The following CEP43 variants were observed in gnomAD, a reference collection of about 807,000 sequenced individuals.
The protein encoded by CEP43 is FGFR1 oncogene partner.
In CEP43, 36 loss-of-function variants were observed where a neutral mutation model predicts 52.6. The ratio of observed to expected loss-of-function variants is 0.68; its 90% confidence interval spans 0.52 to 0.90. The LOEUF (loss-of-function observed/expected upper bound fraction) is 0.90, where lower values mean the gene tolerates loss of function less well. CEP43 is among the 40% of genes least tolerant of loss of function. The pLI is 0.00. For missense variants in CEP43, 506 were observed against 472.8 expected, an observed-to-expected ratio of 1.07 and a Z score of -0.65; for synonymous variants, 192 against 172.4, an observed-to-expected ratio of 1.11 and a Z score of -0.89.
intron 4 of CEP43, 49 bp from the exon 5 acceptor site, chr6:167,004,215 A>G: frequency 6.4e-7 from 1 of 1,562,428 alleles, no homozygotes. Flanking sequence ...CTCCTTGAGA[A>G]TAACTTCTGC....
chr6:167,008,473 G>GT (rs936615696), intron 5 of CEP43, among the ~76,000 whole-genome samples: 22 of 148,602 alleles, frequency 1.5e-4, no homozygotes, highest in South Asian at 6.4e-4. Context: ...ATTTTTTTTT[G>GT]TTTTTTTTTG....
At chr6:167,001,528 A>G (rs1779736611) in intron 2 of CEP43, among the ~76,000 whole-genome samples, 11 of 152,342 alleles carry the variant, frequency 7.2e-5, no homozygotes, top group Admixed American at 5.2e-4. Context: ...ACTGTCTCAC[A>G]GACTGACCTT....
intron 12 of CEP43, among the ~76,000 whole-genome samples, chr6:167,035,449 G>A (rs1780563193): frequency 6.6e-6 from 1 of 152,124 alleles, no homozygotes; most frequent in Admixed American, 6.5e-5. Context: ...GGATGTGGGG[G>A]TGTGAGGAAG....
In CEP43 at chr6:167,004,378, G is replaced by A. The variant is rs1471989882; in HGVS notation, c.415G>A (p.Glu139Lys). Residue 139 changes from glutamate to lysine, a missense_variant, in exon 5 of 13, where the codon GAA (glutamate) becomes AAA (lysine). Glu to Lys is a moderately conservative substitution (Grantham distance 56). Transcript: ENST00000366847. The part of the protein sequence containing the change: ...LEVIRRCQQK[E>K]KGPTTGEGAL... ...AGTGATCAGGCGCTGTCAACAGAAA[G>A]AAAAAGGGCCAACCACTGGGGAAGT... is the stretch of plus-strand genomic sequence containing the variant. 1.0e-5 allele frequency: 16 copies of A among 1,596,484 alleles called. No individual in the cohort carries two copies. Among genetic ancestry groups the A allele is most frequent in the Non-Finnish European group, 1.4e-5 (16 of 1,172,530 alleles).
In CEP43 at chr6:166,999,463, G is replaced by A; in HGVS notation, c.51G>A (p.Arg17=). 2.0e-6 allele frequency: 3 copies of A among 1,484,926 alleles called. No homozygotes were observed. The highest frequency in any genetic ancestry group is 3.0e-5 in the East Asian group (1 of 33,788). The allele number at this position is 1,484,926 out of a possible 1,614,324, so 92.0% of individuals were successfully genotyped here. ...AVVAEEDTEL[R]DLLVQTLENS... is the part of the protein sequence containing the mutation. ...TGGCCGAGGAGGACACGGAGCTGCGGGACCTGCTGGTGCAGACGCTGGAGA... is the reference window on the plus strand; with the variant it reads ...TGGCCGAGGAGGACACGGAGCTGCGAGACCTGCTGGTGCAGACGCTGGAGA... Residue 17 remains arginine (R), a synonymous_variant, in exon 1 of 13, where the codon CGG becomes CGA. Transcript: ENST00000366847.
intron 5 of CEP43, among the ~76,000 whole-genome samples, chr6:167,008,987 G>A (rs949353196): frequency 6.6e-5 from 10 of 152,182 alleles, no homozygotes; most frequent in African/African-American, 2.2e-4. Context: ...AGACATGGTG[G>A]CTCACACCTG....
intron 12 of CEP43, chr6:167,035,943 G>T: frequency 4.0e-6 from 2 of 500,492 alleles, no homozygotes; most frequent in Non-Finnish European, 5.2e-6. Flanking sequence ...TTAGAGATAA[G>T]CGTGTAAAGC....
chr6:167,036,371 G>T (rs1780585059), intron 12 of CEP43: 1 of 985,298 alleles, frequency 1.0e-6, no homozygotes, highest in South Asian at 4.7e-5. Flanking sequence ...GAGCAGGGTT[G>T]TTAGAAGGTG....
rs1316926374 is a variant in CEP43, at chr6:167,047,954, A to G, written c.*7976A>G. ...GAATTATGAGACTAGAAAAACAACA[A>G]TTCTTAGTATACCACAGACTGTGGT... On this transcript the variant is annotated 3_prime_UTR_variant, in exon 13 of 13. Transcript: ENST00000366847. 2.0e-5 allele frequency: 3 copies of G among 152,176 alleles called. No individual in the cohort carries two copies. The highest frequency in any genetic ancestry group is 7.2e-5 in the African/African-American group (3 of 41,448). The allele number at this position is 152,176 out of a possible 1,614,324, so 9.4% of individuals were successfully genotyped here. A position where few individuals can be genotyped will look rare whatever the true frequency, so the allele number is the denominator to read the frequency against.
intron 10 of CEP43, among the ~76,000 whole-genome samples, chr6:167,029,923 A>G (rs1314388312): frequency 6.6e-6 from 1 of 152,182 alleles, no homozygotes; most frequent in African/African-American, 2.4e-5. Flanking sequence ...ACTACAAAGA[A>G]CCTTCTTAAG....
intron 5 of CEP43, among the ~76,000 whole-genome samples, chr6:167,007,492 T>C (rs1004721343): frequency 6.6e-6 from 1 of 152,194 alleles, no homozygotes; most frequent in Non-Finnish European, 1.5e-5. Flanking sequence ...TATCTGGATA[T>C]TTAATTTTAA....
At position 167,028,390 on chromosome 6, in the gene CEP43, G is replaced by A. The variant is rs1310753119; in HGVS notation, c.988+1775G>A. On this transcript the variant is annotated intron_variant, in intron 10 of 12. Transcript: ENST00000366847. ...TTGTCTTGGGACTTAGGCATATCTC[G>A]GGTTGGAATTGGGGTAGTTATGCAG... The A allele has an allele frequency of 3.0e-6, 3 of 985,218 alleles. No homozygotes were observed. The African/African-American group carries it at 5.2e-5, about 17-fold the overall frequency. 61.0% of individuals were successfully genotyped at this position (985,218 alleles called of 1,614,324 possible).
At chr6:167,022,246 T>C (rs1337424807) in intron 7 of CEP43, among the ~76,000 whole-genome samples, 163 bp from the exon 8 acceptor site, 1 of 142,836 alleles carries the variant, frequency 7.0e-6, no homozygotes, top group East Asian at 2.1e-4. Flanking sequence ...TTCACGCTGC[T>C]GAGAGCTGCC....
Position 167,040,258 on chromosome 6 carries a change from T to G in CEP43, c.*280T>G. 2 of 1,502,306 alleles carry G rather than the reference T, an allele frequency of 1.3e-6. No individual in the cohort carries two copies. Among genetic ancestry groups the G allele is most frequent in the Non-Finnish European group, 1.8e-6 (2 of 1,134,632 alleles). The allele number at this position is 1,502,306 out of a possible 1,614,324, so 93.1% of individuals were successfully genotyped here. A position where few individuals can be genotyped will look rare whatever the true frequency, so the allele number is the denominator to read the frequency against. Reference sequence around the variant, plus strand: ...AGTTTCATTACAGGGAAGGAACCCATGAAAACATCAGTGTTAAGAGCATGA... The same window carrying G: ...AGTTTCATTACAGGGAAGGAACCCAGGAAAACATCAGTGTTAAGAGCATGA... On this transcript the variant is annotated 3_prime_UTR_variant, in exon 13 of 13. Transcript: ENST00000366847.
intron 2 of CEP43, among the ~76,000 whole-genome samples, chr6:167,000,565 G>A (rs6905912): frequency 0.069 from 10,529 of 152,274 alleles, 858 homozygotes; most frequent in African/African-American, 0.19. Flanking sequence ...CTATATTTAA[G>A]TGGGTAATTT....
At chr6:166,999,827 CA>C (rs1002725259) in intron 1 of CEP43, 1 of 560,902 alleles carries the variant, frequency 1.8e-6, no homozygotes, top group Non-Finnish European at 3.1e-6. Context: ...AGTGCGGCCC[CA>C]GCGTCTCTTC....
intron 3 of CEP43, 22 bp from the exon 4 acceptor site, chr6:167,003,701 A>T (rs764358287): frequency 2.7e-6 from 4 of 1,503,558 alleles, no homozygotes; most frequent in South Asian, 2.3e-5. Flanking sequence ...TTGCTTACTT[A>T]CCTTTTTCTT....
At position 167,003,187 on chromosome 6, in the gene CEP43, TA is replaced by T. The variant is rs1423973779; in HGVS notation, c.157-4del. ...CATGACACTTAAATTTTTTTTTTTT[TA>T]ACAGAACAAAACTCCTTTAGTTAAT... On this transcript the variant is annotated splice_region_variant and splice_polypyrimidine_tract_variant and intron_variant, in intron 2 of 12. Transcript: ENST00000366847. 7.3e-7 allele frequency: 1 copy of T among 1,370,150 alleles called. No homozygotes were observed. 84.9% of individuals were successfully genotyped at this position (1,370,150 alleles called of 1,614,324 possible).
At chr6:167,018,906 AAC>A (rs1780162089) in intron 7 of CEP43, among the ~76,000 whole-genome samples, 1 of 152,160 alleles carries the variant, frequency 6.6e-6, no homozygotes. Flanking sequence ...CCAATGTTAC[AAC>A]AGTTTGATTT....
Sources: allele counts gnomAD v4.1 joint callset (sites outside exome capture counted in the v4.1 genomes callset), GRCh38; gene constraint gnomAD v4.1.1; transcripts MANE v1.5; gene names NCBI Gene and HGNC (gene_info 2026-07-23, HGNC 2026-07-21).